The following GAS2L3 variants were observed in gnomAD, a reference collection of about 807,000 sequenced individuals.
GAS2L3 encodes the protein GAS2-like protein 3.
GAS2L3 carries 28 observed loss-of-function variants against 37.0 expected under a neutral mutation model. The ratio of observed to expected loss-of-function variants is 0.76; its 90% CI spans 0.56 to 1.04. The LOEUF (loss-of-function observed/expected upper bound fraction) is 1.04, where lower values mean the gene tolerates loss of function less well. Among genes scored for constraint, GAS2L3 ranks in the 50% least tolerant of loss-of-function variants. GAS2L3 has a pLI of 0.00. For synonymous variants in GAS2L3, 290 were observed against 296.6 expected (o/e 0.98, Z 0.23); for missense variants, 793 against 817.6 (o/e 0.97, Z 0.37).
At position 100,579,987 on chromosome 12, in the gene GAS2L3, CTTAT is replaced by C. The variant is rs377216865; in HGVS notation, c.-152+6205_-152+6208del. 1,065 of 966,986 alleles carry C rather than the reference CTTAT, an allele frequency of 1.1e-3. 7 individuals are homozygous for C. The African/African-American group carries it at 0.014, about 13-fold the overall frequency. 59.9% of individuals were successfully genotyped at this position (966,986 alleles called of 1,614,324 possible). ...GCCAATGGACAAACAACTGGACAGACTTATTTCTCACAGTGGACCAGTAACAGGC... is the reference window on the plus strand; with the variant it reads ...GCCAATGGACAAACAACTGGACAGACTTCTCACAGTGGACCAGTAACAGGC... On this transcript the variant is annotated intron_variant, in intron 1 of 9. Transcript: ENST00000547754.
intron 3 of GAS2L3, among the ~76,000 whole-genome samples, chr12:100,597,121 T>A (rs1299769859): frequency 6.6e-6 from 1 of 151,946 alleles, no homozygotes; most frequent in African/African-American, 2.4e-5. Context: ...AATGTTAGCA[T>A]CTCCATTTTC....
chr12:100,580,477 A>G (rs1175091845), intron 1 of GAS2L3, among the ~76,000 whole-genome samples: 1 of 152,192 alleles, frequency 6.6e-6, no homozygotes, highest in Non-Finnish European at 1.5e-5. Flanking sequence ...CCTGTAGCAG[A>G]GATGTTTTAA....
chr12:100,587,536 C>T (rs1332247649), intron 1 of GAS2L3, among the ~76,000 whole-genome samples: 1 of 152,170 alleles, frequency 6.6e-6, no homozygotes, highest in Non-Finnish European at 1.5e-5. Context: ...TCCAGCATCC[C>T]TTTCTGATTA....
At chr12:100,592,489 T>C (rs1955858666) in intron 2 of GAS2L3, 2 of 152,040 alleles carry the variant, frequency 1.3e-5, no homozygotes, top group South Asian at 4.1e-4. Flanking sequence ...GAAGGATCGG[T>C]TCAGTAGTTG....
chr12:100,612,895 G>A (rs1190213200), intron 6 of GAS2L3, among the ~76,000 whole-genome samples: 1 of 152,130 alleles, frequency 6.6e-6, no homozygotes, highest in East Asian at 1.9e-4. Flanking sequence ...ATAGTAAAAA[G>A]CAAACTGACT....
chr12:100,584,100 T>C (rs1346842807), intron 1 of GAS2L3, among the ~76,000 whole-genome samples: 1 of 152,192 alleles, frequency 6.6e-6, no homozygotes, highest in Non-Finnish European at 1.5e-5. Flanking sequence ...ACTCCAGGCT[T>C]GAATACTTCT....
intron 5 of GAS2L3, among the ~76,000 whole-genome samples, chr12:100,604,083 C>T (rs866334119): frequency 1.5e-4 from 23 of 151,886 alleles, no homozygotes; most frequent in African/African-American, 3.6e-4. Flanking sequence ...TGACTATTCT[C>T]GGTCTTTTGT....
In GAS2L3 at chr12:100,590,027, A is replaced by G. The variant is rs564784599; in HGVS notation, c.-151-1709A>G. Among the ~76,000 whole-genome samples, 111 of 152,358 alleles carry G rather than the reference A, an allele frequency of 7.3e-4. 3 individuals are homozygous for G. The South Asian group carries it at 0.023, about 31-fold the overall frequency. On this transcript the variant is annotated intron_variant, in intron 1 of 9. Transcript: ENST00000547754. Reference sequence around the variant, plus strand: ...GCAAGGATTTAATGACCAAGAACCCAAAAGCAAATGCAGTAAAACAAAGAT... The same window carrying G: ...GCAAGGATTTAATGACCAAGAACCCGAAAGCAAATGCAGTAAAACAAAGAT...
Position 100,583,768 on chromosome 12 carries a change from C to T in GAS2L3, c.-151-7968C>T, listed in dbSNP as rs543062509. Among the ~76,000 whole-genome samples the T allele has an allele frequency of 1.2e-4, 19 of 152,242 alleles. No individual in the cohort carries two copies. In the East Asian group the frequency reaches 3.3e-3, roughly 26 times the overall value. On this transcript the variant is annotated intron_variant, in intron 1 of 9. Coordinates refer to ENST00000547754, the MANE Select transcript of GAS2L3 (RefSeq NM_174942.3). Reference sequence around the variant, plus strand: ...ACAGGCATTTGCCACCGCACCCAGCCGTCATTTTTTTTCCTAGTAATTCCT... The same window carrying T: ...ACAGGCATTTGCCACCGCACCCAGCTGTCATTTTTTTTCCTAGTAATTCCT...
At chr12:100,608,758 G>C (rs573706246) in intron 5 of GAS2L3, among the ~76,000 whole-genome samples, 1 of 152,024 alleles carries the variant, frequency 6.6e-6, no homozygotes, top group East Asian at 1.9e-4. Flanking sequence ...TGATCCGCCC[G>C]CCTCGGCCTC....
At chr12:100,617,161 C>G (rs982554417) in intron 6 of GAS2L3, among the ~76,000 whole-genome samples, 4 of 152,208 alleles carry the variant, frequency 2.6e-5, no homozygotes, top group South Asian at 4.1e-4. Context: ...GGCATAAATG[C>G]CACTTGCATG....
chr12:100,579,844 C>T (rs1247438826), intron 1 of GAS2L3: 1 of 741,280 alleles, frequency 1.3e-6, no homozygotes, highest in Non-Finnish European at 2.5e-6. Flanking sequence ...CAACTGAAGT[C>T]AGGGGCATTG....
At chr12:100,586,547 CA>C (rs1955783625) in intron 1 of GAS2L3, among the ~76,000 whole-genome samples, 1 of 152,168 alleles carries the variant, frequency 6.6e-6, no homozygotes, top group Admixed American at 6.5e-5. Flanking sequence ...AGTAGTGACA[CA>C]ACCTATCAAA....
Position 100,585,249 on chromosome 12 carries a change from C to CT in GAS2L3, c.-151-6478dup, listed in dbSNP as rs201054061. On this transcript the variant is annotated intron_variant, in intron 1 of 9. Transcript: ENST00000547754. ...CTGAAACAAACCAAAACACAGCACTCTTTTTTTTTCTTCCCCCAAGATGGA... is the reference window on the plus strand; with the variant it reads ...CTGAAACAAACCAAAACACAGCACTCTTTTTTTTTTCTTCCCCCAAGATGGA... Among the ~76,000 whole-genome samples the CT allele has an allele frequency of 1.3e-4, 19 of 150,044 alleles. 1 individual carries two copies. The highest frequency in any genetic ancestry group is 1.1e-3 in the Admixed American group (17 of 15,042).
intron 1 of GAS2L3, among the ~76,000 whole-genome samples, chr12:100,581,590 G>C (rs1445836435): frequency 6.6e-6 from 1 of 152,144 alleles, no homozygotes; most frequent in Non-Finnish European, 1.5e-5. Context: ...AAATATATTT[G>C]GGTTTTGTTT....
At chr12:100,582,223 T>G (rs1318486011) in intron 1 of GAS2L3, among the ~76,000 whole-genome samples, 1 of 152,192 alleles carries the variant, frequency 6.6e-6, no homozygotes. Context: ...GGGGCCGGAG[T>G]TACAAGGTGC....
Position 100,601,688 on chromosome 12 carries a change from C to T in GAS2L3, c.238C>T (p.Leu80=), listed in dbSNP as rs1287519130. The change falls in exon 5 of 10, where the codon CTA becomes TTA. Residue 80 remains leucine, a synonymous_variant. Coordinates refer to ENST00000547754, the MANE Select transcript of GAS2L3 (RefSeq NM_174942.3). ...ATTGGAAGAACTTGATAATGGAGTA[C>T]TATTATGTCAACTGATTGATGTTCT... The part of the protein sequence containing the change: ...KLLEELDNGV[L]LCQLIDVLQN... 6 of 1,603,644 alleles carry T rather than the reference C, an allele frequency of 3.7e-6. No individual in the cohort carries two copies. Among genetic ancestry groups the T allele is most frequent in the African/African-American group, 1.3e-5 (1 of 74,616 alleles).
rs1167574603 is a variant in GAS2L3, at chr12:100,627,681, T to A, written c.*2791T>A. The A allele has an allele frequency of 6.6e-6, 1 of 152,234 alleles. No individual in the cohort carries two copies. The highest frequency in any genetic ancestry group is 1.9e-4 in the East Asian group (1 of 5,200). 9.4% of individuals were successfully genotyped at this position (152,234 alleles called of 1,614,324 possible). ...AGTGTTTCTATTCATTTTCACAATT[T>A]AAAAACAGCTCTTAACATTGCTGAA... On this transcript the variant is annotated 3_prime_UTR_variant, in exon 10 of 10. Transcript: ENST00000547754.
chr12:100,618,970 C>A (rs1240149589), intron 8 of GAS2L3, among the ~76,000 whole-genome samples: 1 of 151,894 alleles, frequency 6.6e-6, no homozygotes, highest in African/African-American at 2.4e-5. Flanking sequence ...TGGTAATAAT[C>A]CAGGCATAAG....
Sources: allele counts gnomAD v4.1 joint callset (sites outside exome capture counted in the v4.1 genomes callset), GRCh38; gene constraint gnomAD v4.1.1; transcripts MANE v1.5; gene names NCBI Gene and HGNC (gene_info 2026-07-23, HGNC 2026-07-21).